Variants in LRRC4C observed in about 807,000 individuals in gnomAD.
The protein encoded by LRRC4C is leucine-rich repeat-containing protein 4C.
In LRRC4C, 5 loss-of-function variants were observed where a neutral mutation model predicts 33.6. The observed-to-expected ratio is 0.15, with a 90% CI of 0.08 to 0.31. LRRC4C has a LOEUF of 0.31. Among genes scored for constraint, LRRC4C ranks in the 10% least tolerant of loss-of-function variants. The pLI is 1.00. For missense variants in LRRC4C, 560 were observed against 796.7 expected (o/e 0.70, Z 3.58); for synonymous variants, 329 against 302.0 (o/e 1.09, Z -0.93).
chr11:41,119,875 G>T (rs1942334748), intron 1 of LRRC4C, among the ~76,000 whole-genome samples: 1 of 152,028 alleles, frequency 6.6e-6, no homozygotes, highest in Non-Finnish European at 1.5e-5. Flanking sequence ...ATTTTGCAAC[G>T]CTGAACTTTC....
intron 3 of LRRC4C, among the ~76,000 whole-genome samples, chr11:40,350,890 T>A (rs1947352463): frequency 6.6e-6 from 1 of 152,058 alleles, no homozygotes; most frequent in African/African-American, 2.4e-5. Flanking sequence ...ATTTTCAGAT[T>A]GCTTGCTGTT....
At chr11:40,382,621 A>C (rs572792721) in intron 3 of LRRC4C, among the ~76,000 whole-genome samples, 1 of 149,974 alleles carries the variant, frequency 6.7e-6, no homozygotes, top group African/African-American at 2.4e-5. Flanking sequence ...ATTGCTTGCT[A>C]TAGGTAGTAG....
At chr11:41,051,566 T>TATA (rs897771137) in intron 1 of LRRC4C, among the ~76,000 whole-genome samples, 1 of 92,940 alleles carries the variant, frequency 1.1e-5, no homozygotes, top group African/African-American at 3.8e-5. Context: ...AAAAATTAGT[T>TATA]ATATTCTAAT....
intron 5 of LRRC4C, among the ~76,000 whole-genome samples, chr11:40,188,725 T>TGCACACACAC (rs1861601926): frequency 6.6e-6 from 1 of 151,884 alleles, no homozygotes; most frequent in Non-Finnish European, 1.5e-5. Flanking sequence ...CACACACACA[T>TGCACACACAC]GCACACACAC....
intron 2 of LRRC4C, among the ~76,000 whole-genome samples, chr11:40,716,645 A>C (rs1424049587): frequency 6.6e-6 from 1 of 152,182 alleles, no homozygotes; most frequent in East Asian, 1.9e-4. Context: ...TGCTGTACCT[A>C]AGAAGTCATA....
chr11:41,008,643 A>G (rs1017845766), intron 1 of LRRC4C, among the ~76,000 whole-genome samples: 1 of 152,144 alleles, frequency 6.6e-6, no homozygotes, highest in Non-Finnish European at 1.5e-5. Flanking sequence ...ATTAACAGAT[A>G]TGCTATTATC....
chr11:40,170,950 T>C (rs1859997165), intron 5 of LRRC4C, among the ~76,000 whole-genome samples: 1 of 152,208 alleles, frequency 6.6e-6, no homozygotes, highest in African/African-American at 2.4e-5. Flanking sequence ...GTGTTTAAGA[T>C]GGGAAGGCAT....
intron 1 of LRRC4C, among the ~76,000 whole-genome samples, chr11:41,384,080 C>T (rs758330089): frequency 6.7e-4 from 101 of 151,734 alleles, no homozygotes; most frequent in African/African-American, 2.4e-3. Flanking sequence ...GAAAGATCTT[C>T]GAAAGTTTAT....
At chr11:40,178,987 A>AT (rs1043661790) in intron 5 of LRRC4C, among the ~76,000 whole-genome samples, 5 of 137,200 alleles carry the variant, frequency 3.6e-5, no homozygotes, top group African/African-American at 8.1e-5. Context: ...GCTATCCCTT[A>AT]TTTTTTTTTC....
chr11:40,924,609 T>A (rs1459847088), intron 2 of LRRC4C, among the ~76,000 whole-genome samples: 2 of 152,086 alleles, frequency 1.3e-5, no homozygotes, highest in South Asian at 4.1e-4. Flanking sequence ...GTAAATAATT[T>A]GCCATGTACC....
chr11:41,185,204 T>C (rs1408391187), intron 1 of LRRC4C, among the ~76,000 whole-genome samples: 1 of 152,142 alleles, frequency 6.6e-6, no homozygotes, highest in Admixed American at 6.6e-5. Context: ...AAATAGTAGG[T>C]AGTATCAAAG....
chr11:41,058,815 C>T (rs987359396), intron 1 of LRRC4C, among the ~76,000 whole-genome samples: 1 of 152,122 alleles, frequency 6.6e-6, no homozygotes, highest in Non-Finnish European at 1.5e-5. Context: ...CCTAAATGCC[C>T]ATCAATGGTA....
At chr11:40,515,523 A>G (rs1955526494) in intron 3 of LRRC4C, among the ~76,000 whole-genome samples, 1 of 152,046 alleles carries the variant, frequency 6.6e-6, no homozygotes, top group Admixed American at 6.6e-5. Context: ...ACACATTTTT[A>G]TCCCATGGAG....
At chr11:41,336,242 CT>C (rs201060992) in intron 1 of LRRC4C, among the ~76,000 whole-genome samples, 85 of 148,750 alleles carry the variant, frequency 5.7e-4, no homozygotes, top group African/African-American at 1.8e-3. Flanking sequence ...ATAGACTTTC[CT>C]TTTTTTTTAA....
chr11:41,135,861 C>T (rs559943044), intron 1 of LRRC4C, among the ~76,000 whole-genome samples: 3 of 152,190 alleles, frequency 2.0e-5, no homozygotes, highest in Admixed American at 2.0e-4. Context: ...ATTAAAAAAT[C>T]AAATAGCACT....
intron 3 of LRRC4C, among the ~76,000 whole-genome samples, chr11:40,418,547 T>A (rs35545143): frequency 3.3e-5 from 5 of 152,210 alleles, no homozygotes; most frequent in African/African-American, 1.2e-4. Flanking sequence ...TGGAGGACAC[T>A]GTGGTGATTC....
chr11:41,093,731 G>A (rs1940595778), intron 1 of LRRC4C, among the ~76,000 whole-genome samples: 1 of 151,784 alleles, frequency 6.6e-6, no homozygotes, highest in African/African-American at 2.4e-5. Context: ...CATATAATGA[G>A]ATACTTTAAA....
intron 1 of LRRC4C, among the ~76,000 whole-genome samples, chr11:40,982,024 T>G (rs1565267947): frequency 6.6e-6 from 1 of 152,196 alleles, no homozygotes; most frequent in African/African-American, 2.4e-5. Context: ...TCTACACTTC[T>G]GCATTCAATC....
chr11:40,464,052 G>A (rs1256158733), intron 3 of LRRC4C, among the ~76,000 whole-genome samples: 6 of 151,760 alleles, frequency 4.0e-5, no homozygotes, highest in African/African-American at 1.2e-4. Context: ...ACTACAGACC[G>A]ACACCCCTGA....
Sources: allele counts gnomAD v4.1 joint callset (sites outside exome capture counted in the v4.1 genomes callset), GRCh38; gene constraint gnomAD v4.1.1; transcripts MANE v1.5; gene names NCBI Gene and HGNC (gene_info 2026-07-23, HGNC 2026-07-21).